Variants in TWSG1 observed in about 807,000 individuals in gnomAD.
The protein encoded by TWSG1 is twisted gastrulation protein homolog 1.
A neutral mutation model predicts 23.0 loss-of-function variants in TWSG1; 15 were observed. The ratio of observed to expected loss-of-function variants is 0.65; its 90% CI spans 0.44 to 1.00. TWSG1 has a LOEUF of 1.00. TWSG1 is among the 50% of genes least tolerant of loss of function. TWSG1 has a pLI of 0.00. For synonymous variants in TWSG1, 86 were observed against 92.8 expected, an observed-to-expected ratio of 0.93 and a Z score of 0.42; for missense variants, 242 against 278.7, an observed-to-expected ratio of 0.87 and a Z score of 0.94.
At chr18:9,347,268 G>C (rs1214498624) in intron 2 of TWSG1, among the ~76,000 whole-genome samples, 1 of 152,086 alleles carries the variant, frequency 6.6e-6, no homozygotes, top group East Asian at 1.9e-4. Flanking sequence ...CTAGTCTATG[G>C]CTTGTCATCT....
intron 3 of TWSG1, among the ~76,000 whole-genome samples, chr18:9,360,714 A>G (rs1215153909): frequency 6.6e-6 from 1 of 152,206 alleles, no homozygotes; most frequent in Admixed American, 6.5e-5. Flanking sequence ...GAACAGGAAT[A>G]TCATCATATT....
rs144248163 is a variant in TWSG1, at chr18:9,392,100, C to A, written c.224-4180C>A. Among the ~76,000 whole-genome samples, 10 of 152,298 alleles carry A rather than the reference C, an allele frequency of 6.6e-5. 1 individual carries two copies. The East Asian group carries it at 1.9e-3, about 29-fold the overall frequency. ...TAGTAAATTAGCATTGGCTTCAACC[C>A]AAAGTTACTAGCTGCATTAGACCCC... On this transcript the variant is annotated intron_variant, in intron 3 of 4. Coordinates refer to ENST00000262120, the MANE Select transcript of TWSG1 (RefSeq NM_020648.6).
intron 3 of TWSG1, among the ~76,000 whole-genome samples, chr18:9,371,534 A>G (rs2040605232): frequency 6.6e-6 from 1 of 152,150 alleles, no homozygotes; most frequent in Non-Finnish European, 1.5e-5. Context: ...TGACCTCGTG[A>G]TCCGCCTGCC....
intron 2 of TWSG1, among the ~76,000 whole-genome samples, chr18:9,350,461 T>C (rs2040497469): frequency 6.6e-6 from 1 of 152,154 alleles, no homozygotes; most frequent in Non-Finnish European, 1.5e-5. Context: ...CATTTACCCA[T>C]TACTCAGCCT....
chr18:9,342,033 G>C (rs1469068822), intron 2 of TWSG1, among the ~76,000 whole-genome samples: 1 of 152,074 alleles, frequency 6.6e-6, no homozygotes, highest in Non-Finnish European at 1.5e-5. Flanking sequence ...GCTACTTTTG[G>C]AATTCTGATG....
chr18:9,385,877 A>G (rs1253154156), intron 3 of TWSG1, among the ~76,000 whole-genome samples: 1 of 152,066 alleles, frequency 6.6e-6, no homozygotes, highest in Non-Finnish European at 1.5e-5. Context: ...CAAATTTAAA[A>G]TTCAAATGGG....
At chr18:9,366,295 C>T (rs942826860) in intron 3 of TWSG1, among the ~76,000 whole-genome samples, 3 of 152,102 alleles carry the variant, frequency 2.0e-5, no homozygotes, top group Admixed American at 1.3e-4. Flanking sequence ...ACTCATAGAT[C>T]CTAGATGTCG....
At position 9,346,276 on chromosome 18, in the gene TWSG1, G is replaced by A. The variant is rs80257040; in HGVS notation, c.123+8924G>A. On this transcript the variant is annotated intron_variant, in intron 2 of 4. Transcript: ENST00000262120. Reference sequence around the variant, plus strand: ...TTTTAAAAGGGGCTTCTTTGACTTAGCAGTATACATTTAAGTTTCCTTTAT... The same window carrying A: ...TTTTAAAAGGGGCTTCTTTGACTTAACAGTATACATTTAAGTTTCCTTTAT... Among the ~76,000 whole-genome samples, 213 of 152,198 alleles carry A rather than the reference G, an allele frequency of 1.4e-3. 1 individual carries two copies. The highest frequency in any genetic ancestry group is 5.0e-3 in the African/African-American group (207 of 41,540).
chr18:9,390,724 A>G (rs1205699502), intron 3 of TWSG1, among the ~76,000 whole-genome samples: 2 of 152,330 alleles, frequency 1.3e-5, no homozygotes, highest in South Asian at 2.1e-4. Context: ...ACTTCTTTCA[A>G]AATTAGGCCA....
chr18:9,362,063 G>T lies in TWSG1; in HGVS notation c.223+1992G>T, dbSNP rs570336397. Among the ~76,000 whole-genome samples, 5 of 152,278 alleles carry T rather than the reference G, an allele frequency of 3.3e-5. No homozygotes were observed. In the East Asian group the frequency reaches 9.6e-4, roughly 29 times the overall value. On this transcript the variant is annotated intron_variant, in intron 3 of 4. Coordinates refer to ENST00000262120, the MANE Select transcript of TWSG1 (RefSeq NM_020648.6). ...GAATTCTGAGAGAATGGGGGCAGAA[G>T]TATCTTTTCCTCTGTCCTCTTATAT...
chr18:9,374,789 A>T (rs2040621333), intron 3 of TWSG1, among the ~76,000 whole-genome samples: 1 of 152,234 alleles, frequency 6.6e-6, no homozygotes. Flanking sequence ...TAACAAATCA[A>T]ATCCAACAAT....
chr18:9,351,587 A>C (rs1430010677), intron 2 of TWSG1, among the ~76,000 whole-genome samples: 1 of 147,816 alleles, frequency 6.8e-6, no homozygotes, highest in Non-Finnish European at 1.5e-5. Context: ...TTATTTCTTT[A>C]AAATTTATGA....
chr18:9,385,018 T>TGA (rs1204733791), intron 3 of TWSG1, among the ~76,000 whole-genome samples: 1 of 152,074 alleles, frequency 6.6e-6, no homozygotes, highest in Non-Finnish European at 1.5e-5. Flanking sequence ...GGGGTTATGG[T>TGA]GAGAGTATGA....
At chr18:9,375,823 A>G (rs1427366360) in intron 3 of TWSG1, among the ~76,000 whole-genome samples, 1 of 152,244 alleles carries the variant, frequency 6.6e-6, no homozygotes, top group Non-Finnish European at 1.5e-5. Flanking sequence ...CTCATGAATG[A>G]AATCAAAGAA....
intron 3 of TWSG1, among the ~76,000 whole-genome samples, chr18:9,372,068 G>A (rs1049179770): frequency 2.6e-5 from 4 of 151,824 alleles, no homozygotes; most frequent in African/African-American, 4.8e-5. Context: ...CCTGGCCAAC[G>A]TTTTTATTCT....
chr18:9,376,579 C>T (rs771195627), intron 3 of TWSG1, among the ~76,000 whole-genome samples: 11 of 152,120 alleles, frequency 7.2e-5, no homozygotes, highest in Non-Finnish European at 1.5e-4. Context: ...TGGTGGCTCA[C>T]GCCTGTAATC....
At chr18:9,344,531 A>ATGTCTTTT (rs756535502) in intron 2 of TWSG1, among the ~76,000 whole-genome samples, 15 of 102,094 alleles carry the variant, frequency 1.5e-4, no homozygotes, top group Admixed American at 1.3e-3. Flanking sequence ...GTATGTATGT[A>ATGTCTTTT]TTTTTTTTTT....
intron 3 of TWSG1, among the ~76,000 whole-genome samples, chr18:9,383,183 G>GTT (rs1403740714): frequency 0.013 from 986 of 75,098 alleles, 64 homozygotes; most frequent in African/African-American, 0.05. Flanking sequence ...CGAATTACAC[G>GTT]TTTTTTTTTT....
chr18:9,346,458 G>A (rs189737591), intron 2 of TWSG1, among the ~76,000 whole-genome samples: 19 of 152,274 alleles, frequency 1.2e-4, no homozygotes, highest in African/African-American at 4.6e-4. Flanking sequence ...AGGACATCTT[G>A]ATTGCTTCTA....
Sources: gnomAD v4.1 joint callset for allele counts (sites outside exome capture counted in the v4.1 genomes callset) on GRCh38, gnomAD v4.1.1 for gene constraint, MANE v1.5 for transcripts, NCBI Gene and HGNC (gene_info 2026-07-23, HGNC 2026-07-21) for gene names.